CDH13: variants seen among roughly 807,000 people sequenced by gnomAD.
The protein encoded by CDH13 is cadherin 13.
CDH13 carries 24 observed loss-of-function variants against 63.8 expected under a neutral mutation model. That is an observed-to-expected ratio of 0.38 (90% CI 0.27 to 0.53). The LOEUF is 0.53. Among genes scored for constraint, CDH13 ranks in the 20% least tolerant of loss-of-function variants. CDH13 has a pLI of 0.85. For missense variants in CDH13, 1,049 were observed against 903.1 expected (o/e 1.16, Z -2.07); for synonymous variants, 503 against 355.3 (o/e 1.42, Z -4.67).
intron 1 of CDH13, among the ~76,000 whole-genome samples, chr16:82,837,659 C>T (rs2038825703): frequency 2.6e-5 from 4 of 152,222 alleles, no homozygotes; most frequent in Admixed American, 1.3e-4. Context: ...CATATGGTGA[C>T]ACCGTGTGTG....
At chr16:82,713,375 G>C (rs999465041) in intron 1 of CDH13, among the ~76,000 whole-genome samples, 2 of 152,126 alleles carry the variant, frequency 1.3e-5, no homozygotes, top group African/African-American at 4.8e-5. Context: ...GTACCTGCAT[G>C]AGTCCCAGTG....
chr16:83,670,326 T>C (rs1042282550), intron 8 of CDH13, among the ~76,000 whole-genome samples: 3 of 152,248 alleles, frequency 2.0e-5, no homozygotes, highest in Non-Finnish European at 4.4e-5. Flanking sequence ...TGGCTTGAAC[T>C]CAATGAAAAT....
At chr16:83,342,161 T>C (rs1347702546) in intron 5 of CDH13, among the ~76,000 whole-genome samples, 1 of 152,222 alleles carries the variant, frequency 6.6e-6, no homozygotes, top group Non-Finnish European at 1.5e-5. Flanking sequence ...ACTGAGTTTT[T>C]TCATTTTAAT....
chr16:82,969,508 C>G (rs1264976381), intron 2 of CDH13, among the ~76,000 whole-genome samples: 1 of 119,612 alleles, frequency 8.4e-6, no homozygotes, highest in East Asian at 2.4e-4. Flanking sequence ...AAGCAGCTTT[C>G]TAGCTTCTCT....
At chr16:83,558,335 A>G (rs1156997780) in intron 7 of CDH13, among the ~76,000 whole-genome samples, 1 of 152,224 alleles carries the variant, frequency 6.6e-6, no homozygotes, top group Non-Finnish European at 1.5e-5. Flanking sequence ...AGCCACAAAC[A>G]TCTATGAAAG....
At chr16:83,447,271 C>T (rs904843636) in intron 6 of CDH13, among the ~76,000 whole-genome samples, 7 of 151,244 alleles carry the variant, frequency 4.6e-5, no homozygotes, top group South Asian at 2.1e-4. Context: ...AAAAATTAGC[C>T]GGGCGTGGTG....
At chr16:83,339,067 A>T (rs7204731) in intron 5 of CDH13, among the ~76,000 whole-genome samples, 76,622 of 151,996 alleles carry the variant, frequency 0.5, 19,658 homozygotes, top group South Asian at 0.63. Context: ...CTTGCACAGT[A>T]GCCCTGGTGA....
intron 7 of CDH13, among the ~76,000 whole-genome samples, chr16:83,536,215 T>G (rs189987084): frequency 3.3e-5 from 5 of 152,312 alleles, no homozygotes; most frequent in Middle Eastern, 6.8e-3. Context: ...AAACCAACAG[T>G]CATTGTCTTC....
intron 2 of CDH13, among the ~76,000 whole-genome samples, chr16:82,862,204 C>T (rs16958779): frequency 0.12 from 18,272 of 152,142 alleles, 1,145 homozygotes; most frequent in Admixed American, 0.19. Flanking sequence ...CATCTTAGTA[C>T]CACCAGAATT....
At chr16:82,667,230 T>C (rs949557257) in intron 1 of CDH13, among the ~76,000 whole-genome samples, 4 of 152,172 alleles carry the variant, frequency 2.6e-5, no homozygotes, top group Non-Finnish European at 5.9e-5. Context: ...GGGTATCCCA[T>C]AAAGCAGAGA....
intron 8 of CDH13, among the ~76,000 whole-genome samples, chr16:83,630,435 T>A (rs746515079): frequency 3.9e-5 from 6 of 152,122 alleles, no homozygotes; most frequent in African/African-American, 1.4e-4. Flanking sequence ...ACATGAGATA[T>A]CAGTCAATGT....
chr16:83,209,716 C>T (rs948715603), intron 4 of CDH13, among the ~76,000 whole-genome samples: 2 of 152,084 alleles, frequency 1.3e-5, no homozygotes, highest in Admixed American at 6.6e-5. Flanking sequence ...GGACAGTTAC[C>T]ACCACCCACC....
chr16:83,054,757 C>T (rs1036147827), intron 3 of CDH13, among the ~76,000 whole-genome samples: 2 of 152,020 alleles, frequency 1.3e-5, no homozygotes, highest in African/African-American at 4.8e-5. Flanking sequence ...AAAACTTTAA[C>T]ACATTTCTAC....
At chr16:83,618,347 C>T (rs1298415758) in intron 8 of CDH13, among the ~76,000 whole-genome samples, 2 of 151,772 alleles carry the variant, frequency 1.3e-5, no homozygotes, top group Non-Finnish European at 2.9e-5. Flanking sequence ...ATTGCTTGAA[C>T]CCAGGGGTTG....
intron 2 of CDH13, among the ~76,000 whole-genome samples, chr16:83,019,862 A>C (rs2151452527): frequency 6.6e-6 from 1 of 151,418 alleles, no homozygotes; most frequent in South Asian, 2.1e-4. Context: ...AAACAATAAA[A>C]ACGATAGTAT....
At chr16:82,790,024 ACTT>A (rs1215701073) in intron 1 of CDH13, among the ~76,000 whole-genome samples, 1 of 152,096 alleles carries the variant, frequency 6.6e-6, no homozygotes, top group Middle Eastern at 3.2e-3. Context: ...GACATGAAGG[ACTT>A]CTTCTTACCT....
At chr16:82,791,673 G>A (rs1029983017) in intron 1 of CDH13, among the ~76,000 whole-genome samples, 1 of 152,204 alleles carries the variant, frequency 6.6e-6, no homozygotes, top group African/African-American at 2.4e-5. Context: ...GGTGTCCACT[G>A]TGCTCCTGAT....
At chr16:82,754,447 G>T (rs546658129) in intron 1 of CDH13, among the ~76,000 whole-genome samples, 2 of 152,214 alleles carry the variant, frequency 1.3e-5, no homozygotes, top group East Asian at 3.9e-4. Flanking sequence ...AGAGCTGTTG[G>T]AACCTGCCTT....
At chr16:82,650,907 T>G (rs1017020223) in intron 1 of CDH13, among the ~76,000 whole-genome samples, 1 of 152,184 alleles carries the variant, frequency 6.6e-6, no homozygotes, top group African/African-American at 2.4e-5. Flanking sequence ...GTTAAAACAA[T>G]AAACAGGAGA....
Sources: gnomAD v4.1 joint callset for allele counts (sites outside exome capture counted in the v4.1 genomes callset) on GRCh38, gnomAD v4.1.1 for gene constraint, MANE v1.5 for transcripts, NCBI Gene and HGNC (gene_info 2026-07-23, HGNC 2026-07-21) for gene names.